Variants in NXPH1 observed in about 807,000 individuals in gnomAD.
NXPH1 encodes neurexophilin-1.
Under a neutral mutation model 23.7 loss-of-function variants are expected in NXPH1, and 5 were observed. The ratio of observed to expected loss-of-function variants is 0.21; its 90% CI spans 0.11 to 0.44. The LOEUF is 0.44. Among genes scored for constraint, NXPH1 ranks in the 20% least tolerant of loss-of-function variants. The pLI is 0.99. For missense variants in NXPH1, 324 were observed against 321.6 expected (o/e 1.01, Z -0.06); for synonymous variants, 144 against 122.2 (o/e 1.18, Z -1.18).
intron 2 of NXPH1, among the ~76,000 whole-genome samples, chr7:8,714,430 C>A (rs1311045643): frequency 1.3e-5 from 2 of 151,998 alleles, no homozygotes; most frequent in Non-Finnish European, 2.9e-5. Flanking sequence ...TAGTGCTCTT[C>A]CCCACTGTGG....
intron 2 of NXPH1, among the ~76,000 whole-genome samples, chr7:8,527,926 T>C (rs551813354): frequency 1.3e-5 from 2 of 152,366 alleles, no homozygotes; most frequent in East Asian, 1.9e-4. Flanking sequence ...ACCCGTGACA[T>C]GCTATCTATT....
intron 2 of NXPH1, among the ~76,000 whole-genome samples, chr7:8,595,026 C>T (rs774213879): frequency 1.3e-5 from 2 of 152,112 alleles, no homozygotes; most frequent in South Asian, 2.1e-4. Flanking sequence ...AGTGAAGTTA[C>T]AGCTTCTACA....
chr7:8,649,505 A>G (rs1307873680), intron 2 of NXPH1, among the ~76,000 whole-genome samples: 6 of 152,146 alleles, frequency 3.9e-5, no homozygotes, highest in Non-Finnish European at 4.4e-5. Flanking sequence ...ACCAGGGCAA[A>G]ATATTTCCTT....
chr7:8,539,591 T>C (rs551326263), intron 2 of NXPH1, among the ~76,000 whole-genome samples: 23 of 151,948 alleles, frequency 1.5e-4, no homozygotes, highest in African/African-American at 5.3e-4. Flanking sequence ...ACATATTATG[T>C]ATAAGGATGT....
chr7:8,614,228 G>A (rs1819683240), intron 2 of NXPH1, among the ~76,000 whole-genome samples: 1 of 151,754 alleles, frequency 6.6e-6, no homozygotes, highest in South Asian at 2.1e-4. Flanking sequence ...AAAATATAAT[G>A]GAATAGCTAT....
At chr7:8,604,745 C>G (rs1354919764) in intron 2 of NXPH1, among the ~76,000 whole-genome samples, 1 of 152,080 alleles carries the variant, frequency 6.6e-6, no homozygotes, top group African/African-American at 2.4e-5. Flanking sequence ...TACTAGACTA[C>G]TAGTGGCAAT....
intron 2 of NXPH1, among the ~76,000 whole-genome samples, chr7:8,498,105 A>G (rs1563327926): frequency 1.3e-5 from 2 of 152,128 alleles, no homozygotes; most frequent in Admixed American, 1.3e-4. Flanking sequence ...ATGAGCTAAT[A>G]TCTGTGAAAA....
chr7:8,707,834 C>CA (rs547122532), intron 2 of NXPH1, among the ~76,000 whole-genome samples: 41 of 151,868 alleles, frequency 2.7e-4, no homozygotes, highest in African/African-American at 9.7e-4. Flanking sequence ...TTACTCACTT[C>CA]AAAAAAAGAA....
At chr7:8,470,289 A>G (rs1816851890) in intron 2 of NXPH1, among the ~76,000 whole-genome samples, 2 of 152,146 alleles carry the variant, frequency 1.3e-5, no homozygotes, top group African/African-American at 2.4e-5. Flanking sequence ...CTATCATTTG[A>G]TGCACATATA....
chr7:8,540,713 G>A (rs1354754591), intron 2 of NXPH1, among the ~76,000 whole-genome samples: 1 of 151,766 alleles, frequency 6.6e-6, no homozygotes, highest in Non-Finnish European at 1.5e-5. Flanking sequence ...AAATTAACCA[G>A]CCTACAGAAG....
intron 2 of NXPH1, among the ~76,000 whole-genome samples, chr7:8,587,717 T>G (rs188902547): frequency 6.6e-6 from 1 of 152,152 alleles, no homozygotes; most frequent in African/African-American, 2.4e-5. Flanking sequence ...CTCCCACTTA[T>G]GAGTGAGAAC....
intron 2 of NXPH1, among the ~76,000 whole-genome samples, chr7:8,589,536 C>A (rs767922347): frequency 3.3e-5 from 5 of 151,868 alleles, no homozygotes; most frequent in Non-Finnish European, 7.4e-5. Flanking sequence ...GGTATTATAC[C>A]TAGCAAAAAG....
chr7:8,459,116 GTTAAC>G (rs1381946020), intron 2 of NXPH1, among the ~76,000 whole-genome samples: 1 of 151,172 alleles, frequency 6.6e-6, no homozygotes, highest in East Asian at 1.9e-4. Context: ...AGGAGAAGGA[GTTAAC>G]TTAATGAACA....
intron 2 of NXPH1, among the ~76,000 whole-genome samples, chr7:8,514,408 G>C (rs1428921530): frequency 6.6e-6 from 1 of 152,132 alleles, no homozygotes; most frequent in East Asian, 1.9e-4. Flanking sequence ...TGACATCCTT[G>C]AAGTTGCACA....
chr7:8,440,134 C>T (rs1816272443), intron 2 of NXPH1, among the ~76,000 whole-genome samples: 1 of 152,134 alleles, frequency 6.6e-6, no homozygotes, highest in East Asian at 1.9e-4. Flanking sequence ...AGGCCCTCTA[C>T]CCCAGAAGCA....
intron 2 of NXPH1, among the ~76,000 whole-genome samples, chr7:8,713,075 G>C (rs1279170233): frequency 2.0e-5 from 3 of 151,754 alleles, no homozygotes; most frequent in Admixed American, 2.0e-4. Context: ...CTATTTTCTA[G>C]ATAGGCTTTC....
chr7:8,689,119 A>T (rs183960507), intron 2 of NXPH1, among the ~76,000 whole-genome samples: 51 of 152,272 alleles, frequency 3.3e-4, no homozygotes, highest in South Asian at 6.2e-4. Flanking sequence ...TATCTAATTG[A>T]TAGAATGAGA....
intron 2 of NXPH1, among the ~76,000 whole-genome samples, chr7:8,478,274 G>T (rs187887239): frequency 1.3e-5 from 2 of 152,108 alleles, no homozygotes; most frequent in Admixed American, 1.3e-4. Context: ...AAACTGTAAT[G>T]TGATATATAA....
At chr7:8,669,090 A>G (rs112856177) in intron 2 of NXPH1, among the ~76,000 whole-genome samples, 5,705 of 152,276 alleles carry the variant, frequency 0.037, 248 homozygotes, top group African/African-American at 0.1. Flanking sequence ...GTTCCAGCCA[A>G]TAAATTGCTG....
Sources: gnomAD v4.1 joint callset for allele counts (sites outside exome capture counted in the v4.1 genomes callset) on GRCh38, gnomAD v4.1.1 for gene constraint, MANE v1.5 for transcripts, NCBI Gene and HGNC (gene_info 2026-07-23, HGNC 2026-07-21) for gene names.